The following SORCS3 variants were observed in gnomAD, a reference collection of about 807,000 sequenced individuals.
SORCS3 encodes the protein VPS10 domain-containing receptor SorCS3.
Under a neutral mutation model 146.3 loss-of-function variants are expected in SORCS3, and 57 were observed. That is an observed-to-expected ratio of 0.39 (90% CI 0.31 to 0.49). The LOEUF (loss-of-function observed/expected upper bound fraction) is 0.49, where lower values mean the gene tolerates loss of function less well. Ranked by LOEUF, SORCS3 falls within the 20% of genes least tolerant of loss-of-function variation. The pLI is 0.92. For missense variants in SORCS3, 1,341 were observed against 1,575.5 expected, an observed-to-expected ratio of 0.85 and a Z score of 2.52; for synonymous variants, 653 against 618.5, an observed-to-expected ratio of 1.06 and a Z score of -0.83.
At chr10:104,710,320 A>G (rs560139306) in intron 1 of SORCS3, among the ~76,000 whole-genome samples, 177 of 152,252 alleles carry the variant, frequency 1.2e-3, no homozygotes, top group African/African-American at 3.1e-3. Context: ...GCTGGCAGTC[A>G]CCTGTGCTGG....
chr10:104,880,066 T>C (rs977089776), intron 2 of SORCS3, among the ~76,000 whole-genome samples: 1 of 152,200 alleles, frequency 6.6e-6, no homozygotes, highest in African/African-American at 2.4e-5. Flanking sequence ...ATTTATATTT[T>C]AAATAACCAT....
chr10:104,643,141 C>T (rs1369269023), intron 1 of SORCS3, among the ~76,000 whole-genome samples: 1 of 152,174 alleles, frequency 6.6e-6, no homozygotes, highest in Admixed American at 6.5e-5. Context: ...GTAGGGTGCA[C>T]GCTCCAGGCG....
At chr10:105,103,327 T>G (rs1487730135) in intron 6 of SORCS3, among the ~76,000 whole-genome samples, 2 of 152,178 alleles carry the variant, frequency 1.3e-5, no homozygotes, top group African/African-American at 4.8e-5. Flanking sequence ...TTGAGTTTAT[T>G]AGGATAGTTA....
chr10:105,240,960 A>C (rs1589704709), intron 20 of SORCS3, among the ~76,000 whole-genome samples: 1 of 150,880 alleles, frequency 6.6e-6, no homozygotes, highest in East Asian at 1.9e-4. Flanking sequence ...ATATATATAT[A>C]TATCTATATC....
At chr10:105,191,271 T>A (rs1426850354) in intron 14 of SORCS3, among the ~76,000 whole-genome samples, 1 of 152,044 alleles carries the variant, frequency 6.6e-6, no homozygotes. Flanking sequence ...TGCTAAGAAA[T>A]TCAGAGGAGA....
intron 20 of SORCS3, among the ~76,000 whole-genome samples, chr10:105,228,349 TC>T (rs959305544): frequency 6.6e-6 from 1 of 151,906 alleles, no homozygotes; most frequent in African/African-American, 2.4e-5. Context: ...CTCCTTTCTT[TC>T]TTTCCCTTTC....
chr10:104,747,418 C>T (rs1235871763), intron 1 of SORCS3, among the ~76,000 whole-genome samples: 1 of 152,100 alleles, frequency 6.6e-6, no homozygotes, highest in African/African-American at 2.4e-5. Context: ...CTTCTCAGCT[C>T]TAGTGAGGTA....
intron 1 of SORCS3, among the ~76,000 whole-genome samples, chr10:104,834,914 G>A (rs1222911632): frequency 6.6e-6 from 1 of 151,896 alleles, no homozygotes; most frequent in Non-Finnish European, 1.5e-5. Flanking sequence ...TGGGCAAGAT[G>A]AGAAAGGAAT....
At chr10:104,668,348 T>C (rs866974785) in intron 1 of SORCS3, among the ~76,000 whole-genome samples, 2 of 152,158 alleles carry the variant, frequency 1.3e-5, no homozygotes, top group East Asian at 1.9e-4. Flanking sequence ...TGCCTTTTTT[T>C]CCTCTTTTTC....
At chr10:105,188,115 C>T (rs2056490878) in intron 14 of SORCS3, among the ~76,000 whole-genome samples, 1 of 152,080 alleles carries the variant, frequency 6.6e-6, no homozygotes, top group African/African-American at 2.4e-5. Context: ...AGATTCTAAC[C>T]CTGGCTTCAG....
intron 4 of SORCS3, among the ~76,000 whole-genome samples, chr10:105,019,671 C>A (rs890875501): frequency 6.6e-6 from 1 of 152,084 alleles, no homozygotes; most frequent in African/African-American, 2.4e-5. Flanking sequence ...TCCTATGTGC[C>A]ACAAATATTT....
At chr10:104,963,814 C>T (rs1160558278) in intron 3 of SORCS3, among the ~76,000 whole-genome samples, 1 of 152,088 alleles carries the variant, frequency 6.6e-6, no homozygotes, top group Non-Finnish European at 1.5e-5. Context: ...TTGTTCAGGC[C>T]CCAAATCTAT....
intron 1 of SORCS3, among the ~76,000 whole-genome samples, chr10:104,821,413 G>A (rs2017871468): frequency 6.6e-6 from 1 of 152,156 alleles, no homozygotes; most frequent in Non-Finnish European, 1.5e-5. Context: ...GCAGAGAAGG[G>A]CAGGAAGAGA....
intron 1 of SORCS3, among the ~76,000 whole-genome samples, chr10:104,808,058 T>C (rs1437820001): frequency 6.6e-6 from 1 of 152,220 alleles, no homozygotes; most frequent in Non-Finnish European, 1.5e-5. Flanking sequence ...AGCTGTGGGC[T>C]GCCCTGGCGG....
intron 14 of SORCS3, among the ~76,000 whole-genome samples, chr10:105,198,506 T>G (rs765777627): frequency 6.6e-6 from 1 of 152,170 alleles, no homozygotes; most frequent in African/African-American, 2.4e-5. Flanking sequence ...AGATTTAAAA[T>G]GGACTGACCG....
intron 1 of SORCS3, among the ~76,000 whole-genome samples, chr10:104,805,812 T>C (rs2017673906): frequency 6.6e-6 from 1 of 152,164 alleles, no homozygotes; most frequent in African/African-American, 2.4e-5. Flanking sequence ...CCTCTCTTCA[T>C]ACCTCACACT....
At chr10:104,833,977 C>T (rs2018037282) in intron 1 of SORCS3, among the ~76,000 whole-genome samples, 1 of 152,206 alleles carries the variant, frequency 6.6e-6, no homozygotes, top group African/African-American at 2.4e-5. Flanking sequence ...GTCACTTAGG[C>T]TCAAATGCTG....
chr10:105,167,232 T>A (rs1369338756), intron 12 of SORCS3, 26 bp from the exon 13 acceptor site: 1 of 1,345,084 alleles, frequency 7.4e-7, no homozygotes, highest in Non-Finnish European at 1.0e-6. Context: ...TTGCTATGAT[T>A]GTTGTTGTTG....
At chr10:104,642,449 C>T (rs564594701) in intron 1 of SORCS3, among the ~76,000 whole-genome samples, 1 of 150,208 alleles carries the variant, frequency 6.7e-6, no homozygotes, top group Admixed American at 6.6e-5. Context: ...TCCCAGCCTC[C>T]TGCTCGCCTC....
Sources: allele counts gnomAD v4.1 joint callset (sites outside exome capture counted in the v4.1 genomes callset), GRCh38; gene constraint gnomAD v4.1.1; transcripts MANE v1.5; gene names NCBI Gene and HGNC (gene_info 2026-07-23, HGNC 2026-07-21).